FAAH2: variants seen among roughly 807,000 people sequenced by gnomAD.
FAAH2 encodes the protein fatty acid amide hydrolase 2.
A neutral mutation model predicts 36.9 loss-of-function variants in FAAH2; 60 were observed. The ratio of observed to expected loss-of-function variants is 1.63; its 90% CI spans 1.32 to 2.02. The LOEUF is 2.02. FAAH2 is among the 30% of genes most tolerant of loss of function. The pLI is 0.00. For synonymous variants in FAAH2, 214 were observed against 143.8 expected (o/e 1.49, Z -3.49); for missense variants, 689 against 397.5 (o/e 1.73, Z -6.23).
chrX:57,369,366 G>C (rs1410265561), intron 5 of FAAH2, among the ~76,000 whole-genome samples: 2 of 110,931 alleles, frequency 1.8e-5, no homozygotes, highest in Non-Finnish European at 3.8e-5. Flanking sequence ...TGGATATCCA[G>C]ATCCATGAAG....
At chrX:57,135,217 T>G in the FAAH2 span, 1 of 118,909 alleles carries the variant, frequency 8.4e-6, no homozygotes, top group African/African-American at 3.3e-5. Context: ...CCCAGATCCC[T>G]GTCAGGTTGA....
chrX:57,246,313 G>A, the FAAH2 span, among the ~76,000 whole-genome samples: 1 of 111,656 alleles, frequency 9.0e-6, no homozygotes, highest in African/African-American at 3.3e-5. Flanking sequence ...GGAGCTGGTA[G>A]CATTCCTTCT....
intron 7 of FAAH2, among the ~76,000 whole-genome samples, chrX:57,414,520 A>G (rs1199303499): frequency 8.9e-6 from 1 of 111,863 alleles, no homozygotes; most frequent in African/African-American, 3.3e-5. Flanking sequence ...GATTACATGT[A>G]TTGATTTGTG....
chrX:57,343,302 T>C (rs1411536050), intron 5 of FAAH2, among the ~76,000 whole-genome samples: 1 of 112,099 alleles, frequency 8.9e-6, no homozygotes, highest in African/African-American at 3.2e-5. Flanking sequence ...ATTTTTTCAA[T>C]GATTGCCATT....
At chrX:57,203,523 C>A in the FAAH2 span, among the ~76,000 whole-genome samples, 3 of 111,684 alleles carry the variant, frequency 2.7e-5, no homozygotes, top group Non-Finnish European at 5.6e-5. Context: ...GACCTGTTCC[C>A]AATATGTCCC....
intron 7 of FAAH2, among the ~76,000 whole-genome samples, chrX:57,401,219 C>T (rs925366951): frequency 8.9e-6 from 1 of 111,943 alleles, no homozygotes; most frequent in African/African-American, 3.3e-5. Context: ...CATCCGCATA[C>T]CAAAAGACAA....
intron 10 of FAAH2, among the ~76,000 whole-genome samples, chrX:57,477,045 A>G (rs762598045): frequency 3.9e-4 from 43 of 110,430 alleles, no homozygotes; most frequent in African/African-American, 1.4e-3. Flanking sequence ...CAGTGGTGAT[A>G]TCGCCTTTAT....
At chrX:57,387,451 C>T (rs2055053697) in intron 7 of FAAH2, among the ~76,000 whole-genome samples, 1 of 110,836 alleles carries the variant, frequency 9.0e-6, no homozygotes, top group Non-Finnish European at 1.9e-5. Flanking sequence ...AACATATCAG[C>T]AATAACCAGA....
chrX:57,267,848 A>C, the FAAH2 span, among the ~76,000 whole-genome samples: 9 of 112,481 alleles, frequency 8.0e-5, no homozygotes, highest in Non-Finnish European at 1.5e-4. Context: ...AAAAAAATTA[A>C]AATGTCAGCA....
the FAAH2 span, among the ~76,000 whole-genome samples, chrX:57,133,401 T>C: frequency 7.7e-4 from 86 of 111,323 alleles, 1 homozygote; most frequent in African/African-American, 2.7e-3. Flanking sequence ...TCAAAGCAAG[T>C]CAAAGGGGCA....
At chrX:57,167,101 T>G in the FAAH2 span, among the ~76,000 whole-genome samples, 3 of 112,004 alleles carry the variant, frequency 2.7e-5, no homozygotes, top group Middle Eastern at 4.6e-3. Flanking sequence ...CCCTAATGTC[T>G]GGAAGTCACA....
At chrX:57,122,983 C>CT in the FAAH2 span, among the ~76,000 whole-genome samples, 1 of 111,046 alleles carries the variant, frequency 9.0e-6, no homozygotes, top group Non-Finnish European at 1.9e-5. Context: ...TCAGTGAGGG[C>CT]TTTTTATTTT....
intron 3 of FAAH2, among the ~76,000 whole-genome samples, chrX:57,312,661 C>T (rs2052727617): frequency 1.2e-5 from 1 of 83,908 alleles, no homozygotes; most frequent in African/African-American, 3.6e-5. Flanking sequence ...GCAACAAGCA[C>T]AAAACTCCAT....
the FAAH2 span, among the ~76,000 whole-genome samples, chrX:57,247,363 G>T: frequency 1.8e-5 from 2 of 111,727 alleles, no homozygotes; most frequent in African/African-American, 6.5e-5. Context: ...ATACTGTCCT[G>T]CAAGTGAGGC....
intron 7 of FAAH2, among the ~76,000 whole-genome samples, chrX:57,424,206 T>C (rs1164508660): frequency 8.9e-6 from 1 of 112,291 alleles, no homozygotes; most frequent in Non-Finnish European, 1.9e-5. Context: ...AGTCCTTTTT[T>C]TGGTGTCCAC....
intron 5 of FAAH2, among the ~76,000 whole-genome samples, chrX:57,370,291 A>C (rs192518349): frequency 8.9e-6 from 1 of 111,883 alleles, no homozygotes; most frequent in Admixed American, 9.5e-5. Flanking sequence ...TAACCCAGAT[A>C]AGAAAAACAT....
intron 5 of FAAH2, among the ~76,000 whole-genome samples, chrX:57,346,887 A>ACC (rs920265342): frequency 9.0e-6 from 1 of 110,866 alleles, no homozygotes; most frequent in Admixed American, 9.6e-5. Flanking sequence ...CTGACAATAC[A>ACC]CCCCCGTGTC....
chrX:57,432,168 T>A, intron 8 of FAAH2, 131 bp downstream of exon 8: 1 of 500,885 alleles, frequency 2.0e-6, no homozygotes, highest in Non-Finnish European at 3.0e-6. Context: ...GTAAAATATT[T>A]AAAGAAAGCA....
chrX:57,410,281 A>C (rs2055667189), intron 7 of FAAH2, among the ~76,000 whole-genome samples: 1 of 111,474 alleles, frequency 9.0e-6, no homozygotes, highest in Non-Finnish European at 1.9e-5. Context: ...GTGGCCTAAC[A>C]AATTGTCTGT....
Sources: gnomAD v4.1 joint callset for allele counts (sites outside exome capture counted in the v4.1 genomes callset) on GRCh38, gnomAD v4.1.1 for gene constraint, MANE v1.5 for transcripts, NCBI Gene and HGNC (gene_info 2026-07-23, HGNC 2026-07-21) for gene names.